The following SHC4 variants were observed in gnomAD, a reference collection of about 807,000 sequenced individuals.
SHC4 encodes the protein SHC adaptor protein 4, also known as SHC-transforming protein 4.
Under a neutral mutation model 69.4 loss-of-function variants are expected in SHC4, and 41 were observed. The ratio of observed to expected loss-of-function variants is 0.59; its 90% CI spans 0.46 to 0.77. SHC4 has a LOEUF of 0.77. Among genes scored for constraint, SHC4 ranks in the 30% least tolerant of loss-of-function variants. The pLI is 0.00. For missense variants in SHC4, 777 were observed against 783.8 expected (o/e 0.99, Z 0.10); for synonymous variants, 318 against 299.3 (o/e 1.06, Z -0.64).
At chr15:48,912,505 T>C (rs2141017488) in intron 2 of SHC4, among the ~76,000 whole-genome samples, 1 of 152,366 alleles carries the variant, frequency 6.6e-6, no homozygotes, top group East Asian at 1.9e-4. Flanking sequence ...TGTGTCATTT[T>C]CTGGATTTCC....
At chr15:48,899,023 T>A (rs938322570) in intron 2 of SHC4, among the ~76,000 whole-genome samples, 6 of 149,642 alleles carry the variant, frequency 4.0e-5, no homozygotes, top group African/African-American at 1.5e-4. Flanking sequence ...ATGTGGTCAC[T>A]TAAAAGCCAA....
At chr15:48,895,068 G>T (rs1214516235) in intron 2 of SHC4, among the ~76,000 whole-genome samples, 1 of 152,056 alleles carries the variant, frequency 6.6e-6, no homozygotes, top group African/African-American at 2.4e-5. Flanking sequence ...GCCTCCCAAA[G>T]TGCTGGGATT....
intron 11 of SHC4, among the ~76,000 whole-genome samples, chr15:48,827,229 T>C (rs1235790684): frequency 2.0e-5 from 3 of 152,204 alleles, no homozygotes; most frequent in South Asian, 2.1e-4. Flanking sequence ...TTTTGCCGTA[T>C]TAAAATCATG....
chr15:48,872,217 C>T (rs1899691255), intron 4 of SHC4, 75 bp from the exon 5 acceptor site: 27 of 902,206 alleles, frequency 3.0e-5, no homozygotes, highest in Middle Eastern at 3.3e-4. Context: ...CAGTAATAGA[C>T]ATACATTTGT....
chr15:48,898,071 A>G, intron 2 of SHC4, among the ~76,000 whole-genome samples: 1 of 152,188 alleles, frequency 6.6e-6, no homozygotes, highest in Non-Finnish European at 1.5e-5. Flanking sequence ...CAGACTGCAC[A>G]TCCATGTGGT....
intron 1 of SHC4, among the ~76,000 whole-genome samples, chr15:48,953,363 C>T (rs570037216): frequency 2.0e-4 from 31 of 152,142 alleles, no homozygotes; most frequent in African/African-American, 7.2e-4. Flanking sequence ...CAACAACCCC[C>T]CATGACACAA....
At chr15:48,871,253 G>A (rs1899671592) in intron 5 of SHC4, among the ~76,000 whole-genome samples, 2 of 152,152 alleles carry the variant, frequency 1.3e-5, no homozygotes, top group African/African-American at 4.8e-5. Flanking sequence ...TCTTGACATG[G>A]CTGATGTTTA....
chr15:48,844,464 G>A (rs537649074), intron 9 of SHC4, among the ~76,000 whole-genome samples: 4 of 152,038 alleles, frequency 2.6e-5, no homozygotes, highest in South Asian at 4.2e-4. Flanking sequence ...ATCTCACATC[G>A]AAAGGCTGTC....
chr15:48,867,146 G>A (rs115246973), intron 6 of SHC4, among the ~76,000 whole-genome samples: 330 of 152,308 alleles, frequency 2.2e-3, no homozygotes, highest in African/African-American at 7.6e-3. Flanking sequence ...CAATATGTGA[G>A]TAAATAAAAT....
At chr15:48,915,045 C>T (rs1328146520) in intron 2 of SHC4, among the ~76,000 whole-genome samples, 1 of 152,182 alleles carries the variant, frequency 6.6e-6, no homozygotes. Context: ...AGTCCTCTGC[C>T]CATTGTTTCA....
At chr15:48,913,967 GC>G in intron 2 of SHC4, among the ~76,000 whole-genome samples, 1 of 152,318 alleles carries the variant, frequency 6.6e-6, no homozygotes, top group African/African-American at 2.4e-5. Context: ...CCTGGGTCCT[GC>G]AGGAGCAATC....
intron 1 of SHC4, chr15:48,938,336 C>T (rs1458479352): frequency 1.3e-5 from 2 of 152,192 alleles, no homozygotes; most frequent in Non-Finnish European, 2.9e-5. Flanking sequence ...TAATTGATCC[C>T]AGCAGCCGTT....
intron 4 of SHC4, chr15:48,880,060 T>G (rs1425569236): frequency 6.0e-6 from 1 of 167,096 alleles, no homozygotes; most frequent in Non-Finnish European, 1.5e-5. Flanking sequence ...AATGATTACA[T>G]CAGAAGGCTA....
At chr15:48,878,369 C>G (rs1432235867) in intron 4 of SHC4, 1 of 1,612,980 alleles carries the variant, frequency 6.2e-7, no homozygotes, top group Admixed American at 1.7e-5. Flanking sequence ...GGAGGCCCAG[C>G]CAATGGCGGC....
intron 3 of SHC4, among the ~76,000 whole-genome samples, chr15:48,890,487 A>G (rs776558161): frequency 6.6e-6 from 1 of 152,118 alleles, no homozygotes; most frequent in Non-Finnish European, 1.5e-5. Context: ...GTAACAGCCA[A>G]CTCTGGCACC....
At chr15:48,890,367 T>C (rs569676776) in intron 3 of SHC4, among the ~76,000 whole-genome samples, 1 of 152,284 alleles carries the variant, frequency 6.6e-6, no homozygotes, top group African/African-American at 2.4e-5. Flanking sequence ...ACATACATTA[T>C]AAAATGTGGA....
intron 1 of SHC4, among the ~76,000 whole-genome samples, chr15:48,933,082 T>G (rs1012526175): frequency 2.0e-5 from 3 of 152,178 alleles, no homozygotes; most frequent in Admixed American, 2.0e-4. Context: ...AAGATATTAA[T>G]GAGCAAAGTA....
intron 1 of SHC4, among the ~76,000 whole-genome samples, chr15:48,960,398 C>G (rs1299953998): frequency 1.3e-5 from 2 of 152,166 alleles, no homozygotes; most frequent in Non-Finnish European, 2.9e-5. Flanking sequence ...CCATGAGGGC[C>G]TGGCACACAC....
chr15:48,911,264 T>A (rs1310806468), intron 2 of SHC4, among the ~76,000 whole-genome samples: 1 of 152,200 alleles, frequency 6.6e-6, no homozygotes, highest in African/African-American at 2.4e-5. Context: ...GGTTCATATA[T>A]GTTTAGGATT....
Sources: allele counts gnomAD v4.1 joint callset (sites outside exome capture counted in the v4.1 genomes callset), GRCh38; gene constraint gnomAD v4.1.1; transcripts MANE v1.5; gene names NCBI Gene and HGNC (gene_info 2026-07-23, HGNC 2026-07-21).